Variants in USH2A observed in about 807,000 individuals in gnomAD.
The protein encoded by USH2A is Usher syndrome 2A (autosomal recessive, mild).
In USH2A, 443 loss-of-function variants were observed where a neutral mutation model predicts 538.9. The ratio of observed to expected loss-of-function variants is 0.82; its 90% CI spans 0.76 to 0.89. The LOEUF is 0.89. Among genes scored for constraint, USH2A ranks in the 40% least tolerant of loss-of-function variants. The pLI, the probability that USH2A is intolerant of heterozygous loss-of-function variation, is 0.00. For missense variants in USH2A, 6,633 were observed against 6,324.8 expected, an observed-to-expected ratio of 1.05 and a Z score of -1.65; for synonymous variants, 2,413 against 2,273.5, an observed-to-expected ratio of 1.06 and a Z score of -1.75.
intron 35 of USH2A, among the ~76,000 whole-genome samples, chr1:215,980,826 G>T (rs570323030): frequency 1.3e-5 from 2 of 152,200 alleles, no homozygotes; most frequent in Admixed American, 1.3e-4. Flanking sequence ...TATTCCTACA[G>T]GGCAAATGTT....
chr1:215,858,004 T>A (rs1047379773), intron 44 of USH2A, among the ~76,000 whole-genome samples: 1 of 152,170 alleles, frequency 6.6e-6, no homozygotes. Context: ...TAGGATTTTG[T>A]TATCTTTCAA....
intron 3 of USH2A, among the ~76,000 whole-genome samples, chr1:216,387,210 A>G (rs1005748900): frequency 6.6e-6 from 1 of 152,250 alleles, no homozygotes; most frequent in East Asian, 1.9e-4. Flanking sequence ...TACCAACTTG[A>G]TAAATAAATT....
chr1:215,658,157 G>A (rs528168394), intron 64 of USH2A, among the ~76,000 whole-genome samples: 4 of 151,666 alleles, frequency 2.6e-5, no homozygotes, highest in Admixed American at 1.3e-4. Context: ...GGATGGTCTC[G>A]ATCTCCTGAC....
chr1:216,025,764 A>T (rs757340391), intron 32 of USH2A, among the ~76,000 whole-genome samples: 3 of 152,166 alleles, frequency 2.0e-5, no homozygotes, highest in Non-Finnish European at 4.4e-5. Flanking sequence ...AGCTGAGGGG[A>T]AATCTCTTAA....
At position 215,878,978 on chromosome 1, in the gene USH2A, G is replaced by A. The variant is rs1236909597; in HGVS notation, c.8344C>T (p.His2782Tyr). 6.2e-7 allele frequency: 1 copy of A among 1,614,082 alleles called. No individual in the cohort carries two copies. The highest frequency in any genetic ancestry group is 2.2e-5 in the East Asian group (1 of 44,866). The change falls in exon 42 of 72, where the codon CAT (histidine) becomes TAT (tyrosine). Residue 2782 changes from histidine (H) to tyrosine (Y), a missense_variant. Transcript: ENST00000307340. ...GAATAATTAGTGAAAGGAATCAGAT[G>A]AGTAACTTTTTGACTTAACACTGCG... is the stretch of plus-strand genomic sequence containing the variant. ...TSAVLSQKVT[H>Y]LIPFTNYSVT...
At chr1:216,175,886 C>G (rs988988681) in intron 20 of USH2A, among the ~76,000 whole-genome samples, 18 of 152,256 alleles carry the variant, frequency 1.2e-4, no homozygotes, top group Admixed American at 1.2e-3. Flanking sequence ...ATGGCTGCCC[C>G]CTTCTGCGTA....
intron 58 of USH2A, among the ~76,000 whole-genome samples, chr1:215,744,313 C>T (rs749497277): frequency 6.6e-6 from 1 of 152,172 alleles, no homozygotes; most frequent in African/African-American, 2.4e-5. Context: ...TTCACCATTC[C>T]TTCCTAAAGA....
At chr1:216,348,375 A>G (rs2038218555) in intron 4 of USH2A, among the ~76,000 whole-genome samples, 1 of 152,078 alleles carries the variant, frequency 6.6e-6, no homozygotes, top group Non-Finnish European at 1.5e-5. Context: ...CTTTGTTTAC[A>G]CATGCCCTGT....
chr1:216,420,041 T>C (rs577474839), intron 2 of USH2A, among the ~76,000 whole-genome samples: 2 of 152,120 alleles, frequency 1.3e-5, no homozygotes, highest in Non-Finnish European at 2.9e-5. Flanking sequence ...TAAGTAGAAA[T>C]AAAAGTTTTA....
chr1:215,754,096 C>T (rs1016017885), intron 58 of USH2A, among the ~76,000 whole-genome samples: 53 of 152,112 alleles, frequency 3.5e-4, no homozygotes, highest in African/African-American at 1.3e-3. Flanking sequence ...TTTTGAGATT[C>T]GAATTTCTTA....
intron 18 of USH2A, 54 bp from the exon 19 acceptor site, chr1:216,196,776 T>C (rs2034857159): frequency 1.9e-6 from 3 of 1,567,128 alleles, no homozygotes; most frequent in Non-Finnish European, 2.6e-6. Context: ...CGTCCCTATA[T>C]ATTTTTAAAT....
Position 216,420,894 on chromosome 1 carries a change from A to C in USH2A, c.485+958T>G, listed in dbSNP as rs141030511. Among the ~76,000 whole-genome samples, 138 of 152,304 alleles carry C rather than the reference A, an allele frequency of 9.1e-4. No individual in the cohort carries two copies. In the Middle Eastern group the frequency reaches 0.027, roughly 30 times the overall value. ...TTGAAACTAAACACCAAAAACATTT[A>C]AGTCCTATTTGCTTATGAGATTGTA... On this transcript the variant is annotated intron_variant, in intron 2 of 71. Transcript: ENST00000307340.
rs148829867 is a variant in USH2A at position 216,155,282 on chromosome 1, C to T, written c.4627+19970G>A. On this transcript the variant is annotated intron_variant, in intron 21 of 71. Coordinates refer to ENST00000307340, the MANE Select transcript of USH2A (RefSeq NM_206933.4). ...ATGAAAGGCCACAAGAATAGGATTACGGGAGGGGCCTGAATGCTGCTAAAA... is the reference window on the plus strand; with the variant it reads ...ATGAAAGGCCACAAGAATAGGATTATGGGAGGGGCCTGAATGCTGCTAAAA... Among the ~76,000 whole-genome samples, 1,413 of 152,186 alleles carry T rather than the reference C, an allele frequency of 9.3e-3. 22 individuals carry two copies. Among genetic ancestry groups the T allele is most frequent in the African/African-American group, 0.03 (1,257 of 41,512 alleles).
intron 34 of USH2A, among the ~76,000 whole-genome samples, chr1:215,993,996 A>C (rs1385276460): frequency 6.6e-6 from 1 of 152,180 alleles, no homozygotes; most frequent in African/African-American, 2.4e-5. Context: ...AAATACATTA[A>C]GGGGTTTTCA....
Position 215,831,968 on chromosome 1 carries a change from A to G in USH2A, c.9371+6023T>C, listed in dbSNP as rs188479444. Among the ~76,000 whole-genome samples the G allele has an allele frequency of 1.5e-3, 223 of 152,140 alleles. 1 individual carries two copies. The highest frequency in any genetic ancestry group is 5.0e-3 in the African/African-American group (209 of 41,560). ...TACCAATATCAGAAATGAAAGAATA[A>G]AATCAATTGCAACAAATTGTTGTTT... On this transcript the variant is annotated intron_variant, in intron 47 of 71. Coordinates refer to ENST00000307340, the MANE Select transcript of USH2A (RefSeq NM_206933.4).
rs547492143 is a variant in USH2A, at chr1:216,266,633, G to A, written c.1972-15535C>T. ...GGCATGGGATTCAGGAAATGAGGATGTAGAGGTATATGAAAAGCTCTAGGC... is the reference window on the plus strand; with the variant it reads ...GGCATGGGATTCAGGAAATGAGGATATAGAGGTATATGAAAAGCTCTAGGC... On this transcript the variant is annotated intron_variant, in intron 11 of 71. Coordinates refer to ENST00000307340, the MANE Select transcript of USH2A (RefSeq NM_206933.4). 1.4e-3 allele frequency among the ~76,000 whole-genome samples: 215 copies of A among 152,194 alleles called. 2 individuals carry two copies. The highest frequency in any genetic ancestry group is 2.7e-3 in the Non-Finnish European group (182 of 67,986).
intron 51 of USH2A, among the ~76,000 whole-genome samples, chr1:215,788,455 G>A (rs778734576): frequency 1.3e-5 from 2 of 152,066 alleles, no homozygotes; most frequent in Non-Finnish European, 2.9e-5. Flanking sequence ...AGGGGCTTCG[G>A]TTCTAGAGAT....
rs538153420 is a variant in USH2A at position 216,327,822 on chromosome 1, A to G, written c.785-168T>C. ...TCTCTAGTTTGCTAATTCCACATTA[A>G]TAACAAAAATAATCATAGTTATCTC... On this transcript the variant is annotated intron_variant, in intron 4 of 71. Transcript: ENST00000307340. 5.3e-5 allele frequency among the ~76,000 whole-genome samples: 8 copies of G among 152,296 alleles called. No homozygotes were observed. The South Asian group carries it at 1.7e-3, about 32-fold the overall frequency.
At chr1:216,311,112 C>T (rs1227225787) in intron 9 of USH2A, among the ~76,000 whole-genome samples, 2 of 152,218 alleles carry the variant, frequency 1.3e-5, no homozygotes, top group Non-Finnish European at 2.9e-5. Flanking sequence ...CATAGTGCTG[C>T]TAAGCAGCTA....
Sources: gnomAD v4.1 joint callset for allele counts (sites outside exome capture counted in the v4.1 genomes callset) on GRCh38, gnomAD v4.1.1 for gene constraint, MANE v1.5 for transcripts, NCBI Gene and HGNC (gene_info 2026-07-23, HGNC 2026-07-21) for gene names.